The following SLFN12 variants were observed in gnomAD, a reference collection of about 807,000 sequenced individuals.
SLFN12 encodes ribonuclease SLFN12.
A neutral mutation model predicts 29.1 loss-of-function variants in SLFN12; 25 were observed. That is an observed-to-expected ratio of 0.86 (90% CI 0.63 to 1.20). The LOEUF is 1.20. SLFN12 is among the 50% of genes most tolerant of loss of function. The probability of loss-of-function intolerance (pLI) is 0.00; values close to 1 mark genes in which losing one functional copy is unlikely to be tolerated. For synonymous variants in SLFN12, 257 were observed against 238.7 expected (o/e 1.08, Z -0.71); for missense variants, 660 against 666.2 (o/e 0.99, Z 0.10).
chr17:35,423,175 G>T, intron 1 of SLFN12, 107 bp from the exon 2 acceptor site: 1 of 1,269,298 alleles, frequency 7.9e-7, no homozygotes, highest in Non-Finnish European at 1.1e-6. Context: ...TATTCTACTA[G>T]ACTGGTAAGT....
intron 1 of SLFN12, among the ~76,000 whole-genome samples, chr17:35,430,987 G>C (rs1322080820): frequency 6.6e-6 from 1 of 152,102 alleles, no homozygotes; most frequent in Admixed American, 6.5e-5. Context: ...TGGGTTCTAG[G>C]TTGTGAAGGG....
chr17:35,427,447 C>T (rs1912077745), intron 1 of SLFN12, among the ~76,000 whole-genome samples: 1 of 152,072 alleles, frequency 6.6e-6, no homozygotes, highest in Non-Finnish European at 1.5e-5. Flanking sequence ...ATGTCCCTTT[C>T]TCCTATTCTT....
intron 1 of SLFN12, among the ~76,000 whole-genome samples, chr17:35,426,217 AC>A (rs1158153301): frequency 1.3e-5 from 2 of 151,440 alleles, no homozygotes; most frequent in East Asian, 3.9e-4. Flanking sequence ...TGTATGGTTT[AC>A]AAATGTTTTC....
chr17:35,415,203 A>C (rs1911246127), intron 3 of SLFN12, among the ~76,000 whole-genome samples: 1 of 152,132 alleles, frequency 6.6e-6, no homozygotes, highest in South Asian at 2.1e-4. Context: ...ACACTGAAAG[A>C]AAGTCTAATG....
upstream of SLFN12, chr17:35,432,572 A>G (rs1165637290): frequency 6.6e-6 from 1 of 152,166 alleles, no homozygotes; most frequent in Non-Finnish European, 1.5e-5. Context: ...GCGAAGTTAC[A>G]AAGTTACATT....
At position 35,411,560 on chromosome 17, in the gene SLFN12, C is replaced by T. The variant is rs1326873094; in HGVS notation, c.1515G>A (p.Met505Ile). 6.2e-7 allele frequency: 1 copy of T among 1,613,938 alleles called. No individual in the cohort carries two copies. Among genetic ancestry groups the T allele is most frequent in the African/African-American group, 1.3e-5 (1 of 74,926 alleles). ...TKIFYLSPEG[M>I]TSCQYDLRSQ... is the part of the protein sequence containing the mutation. ...ACCTTAAATCATACTGGCAGCTTGT[C>T]ATGCCTTCAGGGCTCAAGTAGAAGA... is the stretch of plus-strand genomic sequence containing the variant. Residue 505 changes from methionine to isoleucine, a missense_variant, in exon 4 of 4, where the codon ATG (methionine) becomes ATA (isoleucine). Met to Ile is a conservative substitution (Grantham distance 10). Coordinates refer to ENST00000304905, the MANE Select transcript of SLFN12 (RefSeq NM_018042.5).
At chr17:35,425,250 T>A (rs977387094) in intron 1 of SLFN12, among the ~76,000 whole-genome samples, 2 of 152,130 alleles carry the variant, frequency 1.3e-5, no homozygotes, top group Non-Finnish European at 2.9e-5. Flanking sequence ...TAAGCGATGA[T>A]CATGGCACTG....
chr17:35,422,761 C>CA lies in SLFN12; in HGVS notation c.267dup (p.Val90CysfsTer3), dbSNP rs1482292268. 1 of 1,613,842 alleles carries CA rather than the reference C, an allele frequency of 6.2e-7. No individual in the cohort carries two copies. Among genetic ancestry groups the CA allele is most frequent in the Non-Finnish European group, 8.5e-7 (1 of 1,179,900 alleles). On this transcript the variant is annotated frameshift_variant, in exon 2 of 4. Transcript: ENST00000304905. LOFTEE classifies it high-confidence loss of function. ...TGCATGAAGTCTAAGTACTCAGGAACAAATAACAGAATGTTACTAAAAGAA... is the reference window on the plus strand; with the variant it reads ...TGCATGAAGTCTAAGTACTCAGGAACAAAATAACAGAATGTTACTAAAAGAA...
At chr17:35,421,433 G>A (rs992996124) in intron 2 of SLFN12, among the ~76,000 whole-genome samples, 4 of 151,442 alleles carry the variant, frequency 2.6e-5, no homozygotes, top group Admixed American at 2.6e-4. Context: ...GGTTTAATTG[G>A]GTTTTTGCAC....
chr17:35,432,694 A>C (rs1912389708), upstream of SLFN12, among the ~76,000 whole-genome samples: 1 of 152,142 alleles, frequency 6.6e-6, no homozygotes, highest in South Asian at 2.1e-4. Flanking sequence ...AGGGGCTACA[A>C]AGGAAGTTTG....
At chr17:35,420,939 G>A (rs1911591080) in intron 2 of SLFN12, 1 of 152,296 alleles carries the variant, frequency 6.6e-6, no homozygotes, top group Non-Finnish European at 1.5e-5. Flanking sequence ...CAGGCATGGT[G>A]GCTCACGCCT....
Position 35,425,624 on chromosome 17 carries a change from T to C in SLFN12, c.-40-2556A>G, listed in dbSNP as rs1277643756. Among the ~76,000 whole-genome samples the C allele has an allele frequency of 2.6e-5, 4 of 151,980 alleles. 1 individual carries two copies. The South Asian group carries it at 8.3e-4, about 32-fold the overall frequency. On this transcript the variant is annotated intron_variant, in intron 1 of 3. Transcript: ENST00000304905. ...CCTTCTTTTTCTTAAGGCTAATTAGTATTTTATTATCTATATGTACCACTT... is the reference window on the plus strand; with the variant it reads ...CCTTCTTTTTCTTAAGGCTAATTAGCATTTTATTATCTATATGTACCACTT...
chr17:35,411,792 C>T lies in SLFN12; in HGVS notation c.1283G>A (p.Trp428Ter), dbSNP rs747299241. The change falls in exon 4 of 4, where the codon TGG becomes TAG. Residue 428 changes from tryptophan to a stop codon, truncating the protein, a stop_gained. Transcript: ENST00000304905. LOFTEE classifies it low-confidence loss of function (END_TRUNC). ...CTCTTGCAAGCCCAGATCCACAGACCAGCTCCTAGAGAAGATCAGTGAGCC... is the reference window on the plus strand; with the variant it reads ...CTCTTGCAAGCCCAGATCCACAGACTAGCTCCTAGAGAAGATCAGTGAGCC... Reference protein sequence around the residue: ...RKGSLIFSRSWSVDLGLQENH... With the variant: ...RKGSLIFSRS 19 of 1,614,036 alleles carry T rather than the reference C, an allele frequency of 1.2e-5. No individual in the cohort carries two copies. The highest frequency in any genetic ancestry group is 1.6e-5 in the Non-Finnish European group (19 of 1,180,006).
At chr17:35,421,255 A>AATAGATAGATAG (rs559111819) in intron 2 of SLFN12, among the ~76,000 whole-genome samples, 11 of 146,822 alleles carry the variant, frequency 7.5e-5, no homozygotes, top group African/African-American at 2.8e-4. Context: ...TAAATAAATA[A>AATAGATAGATAG]ATAGAAAGGG....
chr17:35,418,120 A>G (rs1441891631), intron 3 of SLFN12, among the ~76,000 whole-genome samples: 1 of 152,176 alleles, frequency 6.6e-6, no homozygotes, highest in African/African-American at 2.4e-5. Flanking sequence ...AAGTGTGTAT[A>G]GAAGATTAAA....
rs753556180 is a variant in SLFN12, at chr17:35,419,057, C to T, written c.1147+1217G>A. On this transcript the variant is annotated intron_variant, in intron 3 of 3. Coordinates refer to ENST00000304905, the MANE Select transcript of SLFN12 (RefSeq NM_018042.5). ...TAATTTTTGTATTTTAGTAGAGACA[C>T]GGCTTCACCATGTTGGCCAGGCTGT... Among the ~76,000 whole-genome samples the T allele has an allele frequency of 2.0e-5, 3 of 151,924 alleles. 1 individual carries two copies. The highest frequency in any genetic ancestry group is 4.8e-5 in the African/African-American group (2 of 41,376).
chr17:35,420,355 T>C lies in SLFN12; in HGVS notation c.1066A>G (p.Ile356Val), dbSNP rs367977896. ...PKFSSSYEEV[I>V]SQINTSLPAP... ...GGTAATGACGTATTTATTTGAGAGA[T>C]CACCTCTTCATATGAACTGGAAAAT... is the stretch of plus-strand genomic sequence containing the variant. The change falls in exon 3 of 4, where the codon ATC becomes GTC. Residue 356 changes from isoleucine (I) to valine (V), a missense_variant. Transcript: ENST00000304905. The C allele has an allele frequency of 8.7e-6, 14 of 1,613,384 alleles. No homozygotes were observed. Among genetic ancestry groups the C allele is most frequent in the African/African-American group, 1.3e-5 (1 of 74,904 alleles).
intron 3 of SLFN12, among the ~76,000 whole-genome samples, chr17:35,416,834 A>G (rs12943584): frequency 0.095 from 14,430 of 152,054 alleles, 2,155 homozygotes; most frequent in African/African-American, 0.32. Context: ...CAGTTGGATC[A>G]CTTGAGCCCA....
intron 3 of SLFN12, among the ~76,000 whole-genome samples, chr17:35,415,897 T>A (rs1397412601): frequency 6.6e-6 from 1 of 152,168 alleles, no homozygotes; most frequent in African/African-American, 2.4e-5. Context: ...AATTCTTTTA[T>A]ACTGCTGGTG....
Sources: allele counts gnomAD v4.1 joint callset (sites outside exome capture counted in the v4.1 genomes callset), GRCh38; gene constraint gnomAD v4.1.1; transcripts MANE v1.5; gene names NCBI Gene and HGNC (gene_info 2026-07-23, HGNC 2026-07-21).